BFSP1: variants seen among roughly 807,000 people sequenced by gnomAD.
BFSP1 encodes beaded filament structural protein 1.
Under a neutral mutation model 43.9 loss-of-function variants are expected in BFSP1, and 38 were observed. The observed-to-expected ratio is 0.87, with a 90% confidence interval of 0.67 to 1.14. BFSP1 has a LOEUF of 1.14. Among genes scored for constraint, BFSP1 ranks in the 50% most tolerant of loss-of-function variants. The pLI is 0.00. For synonymous variants in BFSP1, 352 were observed against 354.8 expected (o/e 0.99, Z 0.09); for missense variants, 850 against 875.1 (o/e 0.97, Z 0.36).
At chr20:17,558,154 T>C (rs2064942) in intron 1 of BFSP1, among the ~76,000 whole-genome samples, 151,309 of 151,406 alleles carry the variant, frequency 1, 75,606 homozygotes, top group Middle Eastern at 1. Context: ...AAAATATTTA[T>C]TTTCCTTTTT....
chr20:17,535,178 G>T (rs1023876766), upstream of BFSP1, among the ~76,000 whole-genome samples: 10 of 152,130 alleles, frequency 6.6e-5, no homozygotes, highest in African/African-American at 2.4e-4. Flanking sequence ...TAAATTTACT[G>T]AAGTTTATGA....
intron 1 of BFSP1, among the ~76,000 whole-genome samples, chr20:17,547,897 A>ATTTTTTT (rs71192391): frequency 4.5e-4 from 46 of 101,838 alleles, no homozygotes; most frequent in Non-Finnish European, 6.1e-4. Context: ...TGCCCGGCCA[A>ATTTTTTT]TTTTTTTTTT....
intron 1 of BFSP1, among the ~76,000 whole-genome samples, chr20:17,550,278 C>G (rs550290362): frequency 6.6e-6 from 1 of 152,166 alleles, no homozygotes; most frequent in East Asian, 1.9e-4. Context: ...CCTCAGAAAG[C>G]AAGAGGAGAA....
intron 1 of BFSP1, chr20:17,558,662 C>A: frequency 6.4e-7 from 1 of 1,550,520 alleles, no homozygotes; most frequent in Non-Finnish European, 8.7e-7. Context: ...TAGAATCCAA[C>A]ACTTGCCGTT....
chr20:17,509,005 A>AGTCAG lies in BFSP1; in HGVS notation c.628-10_628-9insCTGAC. The AGTCAG allele has an allele frequency of 6.4e-7, 1 of 1,551,276 alleles. No homozygotes were observed. Among genetic ancestry groups the AGTCAG allele is most frequent in the Non-Finnish European group, 8.7e-7 (1 of 1,149,894 alleles). On this transcript the variant is annotated splice_polypyrimidine_tract_variant and intron_variant, in intron 4 of 7. Coordinates refer to ENST00000377873, the MANE Select transcript of BFSP1 (RefSeq NM_001195.5). ...TCCGTCAGGAGCTTCTCCTGCACAG[A>AGTCAG]GAAGGCCAGAGTCAGACTCATGGGA...
Position 17,524,222 on chromosome 20 carries a change from C to G in BFSP1, c.438+626G>C, listed in dbSNP as rs117009259. On this transcript the variant is annotated intron_variant, in intron 2 of 7. Transcript: ENST00000377873. ...CATTCTGCTTTTTGGTGGTGGGATT[C>G]TCCCAGCAAAAGCAGAAAATCCAAT... 9.4e-3 allele frequency among the ~76,000 whole-genome samples: 1,436 copies of G among 152,292 alleles called. 10 individuals carry two copies. The highest frequency in any genetic ancestry group is 0.024 in the Middle Eastern group (7 of 294).
At chr20:17,561,502 G>GAA (rs561590149), upstream of BFSP1, among the ~76,000 whole-genome samples, 3 of 126,152 alleles carry the variant, frequency 2.4e-5, no homozygotes, top group East Asian at 2.2e-4. Context: ...CCGCCTCAAA[G>GAA]AAAAAAAAAA....
At chr20:17,526,111 G>A (rs1250487281) in intron 1 of BFSP1, among the ~76,000 whole-genome samples, 1 of 102,894 alleles carries the variant, frequency 9.7e-6, no homozygotes, top group Non-Finnish European at 1.8e-5. Context: ...GGGTAAGCCA[G>A]TATCACTTTT....
In BFSP1 at chr20:17,531,091, T is replaced by C. The variant is rs1448192819; in HGVS notation, c.239A>G (p.Glu80Gly). ...GAGGGCGTCCTCGGGCCCGGCCAGC[T>C]CGCCCAGGCGCTGGAAGGCATCCAG... is the stretch of plus-strand genomic sequence containing the variant. The part of the protein sequence containing the change: ...RQLDAFQRLG[E>G]LAGPEDALAR... Residue 80 changes from glutamate to glycine, a missense_variant, in exon 1 of 8, where the codon GAG becomes GGG. Glu to Gly is a moderately conservative substitution (Grantham distance 98). Transcript: ENST00000377873. 4 of 1,365,340 alleles carry C rather than the reference T, an allele frequency of 2.9e-6. No individual in the cohort carries two copies. The African/African-American group carries it at 6.1e-5, about 21-fold the overall frequency. The allele number at this position is 1,365,340 out of a possible 1,614,324, so 84.6% of individuals were successfully genotyped here. A position where few individuals can be genotyped will look rare whatever the true frequency, so the allele number is the denominator to read the frequency against.
Position 17,494,287 on chromosome 20 carries a change from C to G in BFSP1, c.1785G>C (p.Gln595His), listed in dbSNP as rs993950836. The G allele has an allele frequency of 7.4e-6, 12 of 1,614,118 alleles. No homozygotes were observed. The highest frequency in any genetic ancestry group is 1.0e-5 in the Non-Finnish European group (12 of 1,180,056). Residue 595 changes from glutamine to histidine, a missense_variant, in exon 8 of 8, where the codon CAG becomes CAC. By Grantham distance (24) the Gln-to-His change is conservative (BLOSUM62 0). Transcript: ENST00000377873. The stretch of plus-strand genomic sequence containing the variant: ...TAGTCCCAAGCACCTCAGCTCCATC[C>G]TGATCAGCCGCAGGCTTTGGAGGCT... ...IPEPPKPAAD[Q>H]DGAEVLGTRS...
intron 1 of BFSP1, among the ~76,000 whole-genome samples, chr20:17,545,387 A>C (rs1364856016): frequency 1.3e-5 from 2 of 152,188 alleles, no homozygotes; most frequent in Non-Finnish European, 2.9e-5. Flanking sequence ...ATTGTTCAGC[A>C]TTCCTTCCTT....
chr20:17,528,235 G>A (rs766285235), intron 1 of BFSP1, among the ~76,000 whole-genome samples: 68 of 152,320 alleles, frequency 4.5e-4, no homozygotes, highest in African/African-American at 1.5e-3. Context: ...GGGGGCAAAG[G>A]GAGGGAATAA....
chr20:17,567,174 CA>C, intron 1 of BFSP1, among the ~76,000 whole-genome samples: 1 of 152,102 alleles, frequency 6.6e-6, no homozygotes, highest in East Asian at 1.9e-4. Context: ...GTGTTAAATG[CA>C]GAGGCTGAAG....
intron 1 of BFSP1, among the ~76,000 whole-genome samples, chr20:17,567,075 G>C (rs2035128085): frequency 6.6e-6 from 1 of 151,980 alleles, no homozygotes; most frequent in Non-Finnish European, 1.5e-5. Flanking sequence ...AGCTTCCGGA[G>C]GGCATAAATC....
intron 4 of BFSP1, among the ~76,000 whole-genome samples, chr20:17,511,060 C>T (rs1005496791): frequency 7.9e-5 from 12 of 152,268 alleles, no homozygotes; most frequent in Admixed American, 2.6e-4. Flanking sequence ...GATCCTCCCA[C>T]CTCAGCCTCC....
intron 1 of BFSP1, among the ~76,000 whole-genome samples, chr20:17,528,349 C>G (rs967449687): frequency 4.6e-5 from 7 of 152,226 alleles, no homozygotes; most frequent in Admixed American, 3.9e-4. Context: ...GAAAACCCAA[C>G]ATGGCCTTTC....
intron 1 of BFSP1, among the ~76,000 whole-genome samples, chr20:17,566,332 G>A (rs970120148): frequency 3.9e-5 from 6 of 151,946 alleles, no homozygotes; most frequent in East Asian, 3.9e-4. Context: ...CTTCCCTGCC[G>A]CTTATATTAA....
intron 6 of BFSP1, among the ~76,000 whole-genome samples, chr20:17,497,615 TACATATAC>T (rs1372889142): frequency 5.1e-4 from 54 of 105,620 alleles, no homozygotes; most frequent in African/African-American, 1.6e-3. Context: ...TACGTATATA[TACATATAC>T]ACACACATAT....
At chr20:17,503,483 C>G (rs2033854112) in intron 5 of BFSP1, among the ~76,000 whole-genome samples, 1 of 152,174 alleles carries the variant, frequency 6.6e-6, no homozygotes, top group Admixed American at 6.5e-5. Context: ...GGGGTAGTGG[C>G]TCATGCTGAT....
Sources: gnomAD v4.1 joint callset for allele counts (sites outside exome capture counted in the v4.1 genomes callset) on GRCh38, gnomAD v4.1.1 for gene constraint, MANE v1.5 for transcripts, NCBI Gene and HGNC (gene_info 2026-07-23, HGNC 2026-07-21) for gene names.